The following PYGB variants were observed in gnomAD, a reference collection of about 807,000 sequenced individuals.
PYGB encodes glycogen phosphorylase B.
A neutral mutation model predicts 94.3 loss-of-function variants in PYGB; 82 were observed. The ratio of observed to expected loss-of-function variants is 0.87; its 90% CI spans 0.73 to 1.04. The LOEUF is 1.04. Ranked by LOEUF, PYGB falls within the 50% of genes least tolerant of loss-of-function variation. The pLI is 0.00. For synonymous variants in PYGB, 488 were observed against 479.1 expected (o/e 1.02, Z -0.24); for missense variants, 1,132 against 1,158.2 (o/e 0.98, Z 0.33).
At position 25,283,089 on chromosome 20, in the gene PYGB, G is replaced by A. The variant is rs914905519; in HGVS notation, c.1519-87G>A. ...GATCCCAGGGGAAAGCAGGGGCGTG[G>A]GCAACAATGGGAGGAGGGCAGGTGG... is the stretch of plus-strand genomic sequence containing the variant. On this transcript the variant is annotated intron_variant, in intron 12 of 19. Transcript: ENST00000216962. The A allele has an allele frequency of 4.4e-6, 5 of 1,125,170 alleles. 1 individual carries two copies. The highest frequency in any genetic ancestry group is 1.5e-5 in the African/African-American group (1 of 64,910). 69.7% of individuals were successfully genotyped at this position (1,125,170 alleles called of 1,614,324 possible). A position where few individuals can be genotyped will look rare whatever the true frequency, so the allele number is the denominator to read the frequency against.
At chr20:25,269,410 A>G (rs1038216964) in intron 3 of PYGB, among the ~76,000 whole-genome samples, 4 of 152,228 alleles carry the variant, frequency 2.6e-5, no homozygotes, top group African/African-American at 7.2e-5. Context: ...GGGACGTGTC[A>G]TCATTATCAC....
chr20:25,280,076 TGA>T (rs994906599), intron 9 of PYGB, among the ~76,000 whole-genome samples, 188 bp from the exon 10 acceptor site: 1 of 152,140 alleles, frequency 6.6e-6, no homozygotes, highest in Non-Finnish European at 1.5e-5. Context: ...GTCAGCAGAG[TGA>T]GGGCTCTGGG....
chr20:25,273,614 C>T (rs947941815), intron 4 of PYGB, among the ~76,000 whole-genome samples: 5 of 152,186 alleles, frequency 3.3e-5, no homozygotes, highest in African/African-American at 1.2e-4. Context: ...CCTAGTGCTT[C>T]TGTGCAAGGG....
intron 5 of PYGB, 106 bp from the exon 6 acceptor site, chr20:25,276,540 G>T: frequency 1.2e-6 from 1 of 859,226 alleles, no homozygotes; most frequent in Non-Finnish European, 1.9e-6. Context: ...GACGGTGGGG[G>T]GCCAGCAGGG....
At chr20:25,266,618 A>G (rs1224501936) in intron 2 of PYGB, among the ~76,000 whole-genome samples, 3 of 152,332 alleles carry the variant, frequency 2.0e-5, no homozygotes, top group East Asian at 3.9e-4. Flanking sequence ...AAATATTTAT[A>G]AATCCTAAAT....
At chr20:25,288,524 C>G (rs1568697724) in intron 15 of PYGB, 41 bp downstream of exon 15, 2 of 1,601,262 alleles carry the variant, frequency 1.2e-6, no homozygotes, top group Admixed American at 1.7e-5. Flanking sequence ...GGTGTTTGGT[C>G]TGGGGATAGT....
chr20:25,281,406 C>T (rs1194660018), intron 11 of PYGB, among the ~76,000 whole-genome samples: 1 of 152,228 alleles, frequency 6.6e-6, no homozygotes, highest in East Asian at 1.9e-4. Flanking sequence ...GGGGTCCAGT[C>T]GGAGGCTCTG....
In PYGB at chr20:25,296,483, C is replaced by T. The variant is rs141315124; in HGVS notation, c.2493C>T (p.Ser831=). The T allele has an allele frequency of 2.1e-3, 3,410 of 1,613,806 alleles. 8 individuals carry two copies. Among genetic ancestry groups the T allele is most frequent in the Non-Finnish European group, 2.7e-3 (3,202 of 1,179,988 alleles). ...GGGAGATCTGGGGTGTGGAGCCCTC[C>T]GACCTGCAGATCCCGCCCCCCAACA... is the stretch of plus-strand genomic sequence containing the variant. The part of the protein sequence containing the change: ...YAREIWGVEP[S]DLQIPPPNIP... The change falls in exon 20 of 20, where the codon TCC becomes TCT. Residue 831 remains serine (S), a synonymous_variant. Coordinates refer to ENST00000216962, the MANE Select transcript of PYGB (RefSeq NM_002862.4).
Position 25,296,858 on chromosome 20 carries a change from A to G in PYGB, c.*336A>G. ...GAACTTTGCACACATCTTGCTATGT[A>G]TTAGCCGATGTCTTTAGTGTTGAGC... On this transcript the variant is annotated 3_prime_UTR_variant, in exon 20 of 20. Coordinates refer to ENST00000216962, the MANE Select transcript of PYGB (RefSeq NM_002862.4). The G allele has an allele frequency of 3.4e-6, 1 of 292,034 alleles. No homozygotes were observed. The highest frequency in any genetic ancestry group is 6.5e-6 in the Non-Finnish European group (1 of 154,600). 18.1% of individuals were successfully genotyped at this position (292,034 alleles called of 1,614,324 possible).
At position 25,248,350 on chromosome 20, in the gene PYGB, C is replaced by T. The variant is rs2092876891; in HGVS notation, c.172C>T (p.His58Tyr). 5 of 1,601,634 alleles carry T rather than the reference C, an allele frequency of 3.1e-6. No homozygotes were observed. Among genetic ancestry groups the T allele is most frequent in the Admixed American group, 1.7e-5 (1 of 58,374 alleles). ...TPRDYFFALA[H>Y]TVRDHLVGRW... ...CCGCGACTACTTCTTCGCGCTGGCG[C>T]ACACGGTGCGCGACCACCTCGTGGG... Residue 58 changes from histidine (H) to tyrosine (Y), a missense_variant, in exon 1 of 20, where the codon CAC becomes TAC. Coordinates refer to ENST00000216962, the MANE Select transcript of PYGB (RefSeq NM_002862.4).
chr20:25,287,787 C>T (rs542699476), intron 14 of PYGB, among the ~76,000 whole-genome samples: 1 of 152,172 alleles, frequency 6.6e-6, no homozygotes, highest in Non-Finnish European at 1.5e-5. Context: ...TGAAACCAGC[C>T]TGGGCAATGT....
intron 15 of PYGB, among the ~76,000 whole-genome samples, chr20:25,289,346 GTTA>G (rs1221140079): frequency 2.0e-5 from 3 of 152,244 alleles, no homozygotes; most frequent in Non-Finnish European, 2.9e-5. Flanking sequence ...AGTTTTAAAT[GTTA>G]TTATGAAAAT....
At chr20:25,252,464 A>T (rs2123507080) in intron 1 of PYGB, among the ~76,000 whole-genome samples, 1 of 152,336 alleles carries the variant, frequency 6.6e-6, no homozygotes, top group South Asian at 2.1e-4. Flanking sequence ...CCCACAGGCT[A>T]AAGGCTCAGT....
chr20:25,270,038 G>A (rs1466775762), intron 3 of PYGB, among the ~76,000 whole-genome samples: 3 of 152,122 alleles, frequency 2.0e-5, no homozygotes, highest in African/African-American at 4.8e-5. Context: ...TGCTGCAGGC[G>A]AGTCCCCAGA....
chr20:25,263,790 T>C (rs916206601), intron 2 of PYGB, among the ~76,000 whole-genome samples: 1 of 152,170 alleles, frequency 6.6e-6, no homozygotes, highest in African/African-American at 2.4e-5. Context: ...CAATAATTAA[T>C]AGCCTAGCAA....
chr20:25,274,914 A>G (rs1324999934), intron 5 of PYGB, among the ~76,000 whole-genome samples, 191 bp downstream of exon 5: 2 of 152,240 alleles, frequency 1.3e-5, no homozygotes, highest in African/African-American at 4.8e-5. Flanking sequence ...AGCTTCCCAA[A>G]CAGTGGAAGC....
intron 15 of PYGB, 31 bp from the exon 16 acceptor site, chr20:25,290,450 T>C (rs2257432): frequency 0.45 from 714,966 of 1,590,668 alleles, 167,315 homozygotes; most frequent in East Asian, 0.92. Flanking sequence ...AAGGCATTTT[T>C]GTGCTAAAAA....
intron 3 of PYGB, among the ~76,000 whole-genome samples, chr20:25,269,941 T>G (rs8184820): frequency 6.6e-6 from 1 of 151,814 alleles, no homozygotes. Context: ...TGGCCAGATA[T>G]GAGTAGAGCC....
chr20:25,269,216 C>A lies in PYGB; in HGVS notation c.424+9C>A, dbSNP rs1185914501. On this transcript the variant is annotated intron_variant, in intron 3 of 19. Transcript: ENST00000216962. The stretch of plus-strand genomic sequence containing the variant: ...CCTGGGGAGGCTGGCAGGTAAGTTG[C>A]CCCATCCAGGAGGAGCTCTCTCGGA... The A allele has an allele frequency of 1.3e-6, 2 of 1,561,444 alleles. No homozygotes were observed. Among genetic ancestry groups the A allele is most frequent in the Non-Finnish European group, 1.8e-6 (2 of 1,133,578 alleles).
Sources: allele counts gnomAD v4.1 joint callset (sites outside exome capture counted in the v4.1 genomes callset), GRCh38; gene constraint gnomAD v4.1.1; transcripts MANE v1.5; gene names NCBI Gene and HGNC (gene_info 2026-07-23, HGNC 2026-07-21).